The following NDST4 variants were observed in gnomAD, a reference collection of about 807,000 sequenced individuals.
NDST4 encodes the protein N-heparan sulfate sulfotransferase 4.
Under a neutral mutation model 100.8 loss-of-function variants are expected in NDST4, and 63 were observed. The observed-to-expected ratio is 0.62, with a 90% CI of 0.51 to 0.77. The LOEUF (loss-of-function observed/expected upper bound fraction) is 0.77. Ranked by LOEUF, NDST4 falls within the 30% of genes least tolerant of loss-of-function variation. The pLI is 0.00. For missense variants in NDST4, 943 were observed against 1,018.4 expected (o/e 0.93, Z 1.01); for synonymous variants, 377 against 361.8 (o/e 1.04, Z -0.48).
At chr4:115,111,278 C>G (rs919014969) in intron 1 of NDST4, among the ~76,000 whole-genome samples, 2 of 151,560 alleles carry the variant, frequency 1.3e-5, no homozygotes, top group Non-Finnish European at 2.9e-5. Context: ...ATTTTAAATC[C>G]AAGTATAGAA....
chr4:114,985,849 G>C (rs556845630), intron 2 of NDST4, among the ~76,000 whole-genome samples: 1 of 152,180 alleles, frequency 6.6e-6, no homozygotes, highest in Non-Finnish European at 1.5e-5. Context: ...AGGCCATTTT[G>C]TTGAGGCATG....
intron 7 of NDST4, among the ~76,000 whole-genome samples, chr4:114,860,606 G>A (rs1275514630): frequency 6.6e-6 from 1 of 152,186 alleles, no homozygotes; most frequent in Non-Finnish European, 1.5e-5. Context: ...ATATATTGAA[G>A]AGCGTATCAG....
chr4:115,061,066 A>G (rs1728809146), intron 2 of NDST4, among the ~76,000 whole-genome samples: 2 of 152,158 alleles, frequency 1.3e-5, no homozygotes, highest in Admixed American at 1.3e-4. Context: ...ACATATGAAA[A>G]AAAGCTCATC....
At chr4:114,952,849 A>C (rs1464947758) in intron 4 of NDST4, among the ~76,000 whole-genome samples, 1 of 152,042 alleles carries the variant, frequency 6.6e-6, no homozygotes, top group East Asian at 1.9e-4. Flanking sequence ...TCAATTTTCC[A>C]TGCTAATCTA....
chr4:115,041,027 T>C (rs1021515060), intron 2 of NDST4, among the ~76,000 whole-genome samples: 33 of 152,024 alleles, frequency 2.2e-4, no homozygotes, highest in Non-Finnish European at 4.0e-4. Flanking sequence ...AGTAACCAAA[T>C]AGAAGAGAAG....
chr4:115,090,658 T>C (rs1729499120), intron 1 of NDST4, among the ~76,000 whole-genome samples: 1 of 152,066 alleles, frequency 6.6e-6, no homozygotes, highest in Non-Finnish European at 1.5e-5. Flanking sequence ...AACACTCTTT[T>C]GGTCTCCTAA....
In NDST4 at chr4:114,964,997, C is replaced by T. The variant is rs144115821; in HGVS notation, c.1221+5433G>A. On this transcript the variant is annotated intron_variant, in intron 4 of 13. Coordinates refer to ENST00000264363, the MANE Select transcript of NDST4 (RefSeq NM_022569.3). ...TTACTGTGATTAAATCTTTCCTGCA[C>T]ATGTGGATCCACTCTTGAGTGTAAA... Among the ~76,000 whole-genome samples, 366 of 152,198 alleles carry T rather than the reference C, an allele frequency of 2.4e-3. 1 individual carries two copies. Among genetic ancestry groups the T allele is most frequent in the African/African-American group, 8.4e-3 (348 of 41,560 alleles).
At position 114,899,696 on chromosome 4, in the gene NDST4, G is replaced by A. The variant is rs371573838; in HGVS notation, c.1537-28746C>T. 2.0e-4 allele frequency among the ~76,000 whole-genome samples: 30 copies of A among 152,126 alleles called. No homozygotes were observed. In the East Asian group the frequency reaches 4.8e-3, roughly 25 times the overall value. On this transcript the variant is annotated intron_variant, in intron 6 of 13. Coordinates refer to ENST00000264363, the MANE Select transcript of NDST4 (RefSeq NM_022569.3). ...TGCATACTTGAAATAAATTCCACTG[G>A]ATCATGGTCTTTTTATACATTGTTG... is the stretch of plus-strand genomic sequence containing the variant.
chr4:114,992,044 G>A (rs1281908372), intron 2 of NDST4, among the ~76,000 whole-genome samples: 3 of 151,670 alleles, frequency 2.0e-5, no homozygotes, highest in East Asian at 1.9e-4. Context: ...AAAATAGTAC[G>A]GTTCCCATAT....
chr4:114,880,819 G>T (rs888064311), intron 6 of NDST4, among the ~76,000 whole-genome samples: 1 of 152,122 alleles, frequency 6.6e-6, no homozygotes, highest in African/African-American at 2.4e-5. Flanking sequence ...GCTTGGGGCA[G>T]GGTACTGATC....
chr4:115,093,469 C>G (rs112725339), intron 1 of NDST4, among the ~76,000 whole-genome samples: 2 of 150,968 alleles, frequency 1.3e-5, no homozygotes, highest in African/African-American at 4.9e-5. Flanking sequence ...AGCAAGACTC[C>G]GTCTCAAAAA....
intron 6 of NDST4, among the ~76,000 whole-genome samples, chr4:114,873,226 A>G (rs1724186732): frequency 6.6e-6 from 1 of 151,720 alleles, no homozygotes; most frequent in South Asian, 2.1e-4. Flanking sequence ...TATTTGAAAC[A>G]TCAAAAAAGA....
Position 114,839,401 on chromosome 4 carries a change from G to A in NDST4, c.2263C>T (p.Leu755=), listed in dbSNP as rs949890294. 6 of 1,611,620 alleles carry A rather than the reference G, an allele frequency of 3.7e-6. No homozygotes were observed. The highest frequency in any genetic ancestry group is 2.5e-6 in the Non-Finnish European group (3 of 1,178,608). The change falls in exon 11 of 14, where the codon CTA becomes TTA. Residue 755 remains leucine (L), a synonymous_variant. Transcript: ENST00000264363. ...ACCTGAGAAGTAGCAAAGTAAGTTA[G>A]CCATCTTTCTATGTGGACTGCATAC... ...GWYAVHIERW[L]TYFATSQLLI...
At position 114,929,074 on chromosome 4, in the gene NDST4, G is replaced by GTCCGTCCA. The variant is rs1560816975; in HGVS notation, c.1536+6131_1536+6132insTGGACGGA. Among the ~76,000 whole-genome samples the GTCCGTCCA allele has an allele frequency of 4.4e-3, 527 of 120,322 alleles. 5 individuals are homozygous for GTCCGTCCA. The highest frequency in any genetic ancestry group is 0.02 in the Middle Eastern group (5 of 254). The allele number at this position is 120,322 out of a possible 152,430, so 78.9% of individuals were successfully genotyped here. A position where few individuals can be genotyped will look rare whatever the true frequency, so the allele number is the denominator to read the frequency against. ...CGTCCGTCCGTCCGTCCGTCCGTCC[G>GTCCGTCCA]TCCATCCATCCATCCATCCATCCAT... On this transcript the variant is annotated intron_variant, in intron 6 of 13. Coordinates refer to ENST00000264363, the MANE Select transcript of NDST4 (RefSeq NM_022569.3).
chr4:114,940,782 A>G (rs915323345), intron 4 of NDST4, among the ~76,000 whole-genome samples: 21 of 152,280 alleles, frequency 1.4e-4, no homozygotes, highest in African/African-American at 4.3e-4. Context: ...GAGTTTGTCC[A>G]TGGTCGAACA....
chr4:114,915,244 C>T (rs969409237), intron 6 of NDST4, among the ~76,000 whole-genome samples: 3 of 152,060 alleles, frequency 2.0e-5, no homozygotes, highest in African/African-American at 7.2e-5. Flanking sequence ...AACAAAACCA[C>T]CAAGCTGTCA....
At chr4:114,961,812 CA>C (rs1209602709) in intron 4 of NDST4, among the ~76,000 whole-genome samples, 1 of 151,910 alleles carries the variant, frequency 6.6e-6, no homozygotes, top group Non-Finnish European at 1.5e-5. Context: ...AAAAGAAGAG[CA>C]AAGAATATTT....
chr4:114,896,639 AAT>A (rs1213144346), intron 6 of NDST4, among the ~76,000 whole-genome samples: 20 of 149,994 alleles, frequency 1.3e-4, no homozygotes, highest in African/African-American at 4.7e-4. Flanking sequence ...AAAAAAAAAA[AAT>A]TTGCTTTGGG....
intron 6 of NDST4, among the ~76,000 whole-genome samples, chr4:114,921,971 C>T (rs7679531): frequency 0.017 from 2,517 of 151,872 alleles, 72 homozygotes; most frequent in African/African-American, 0.058. Context: ...TCTGACACAA[C>T]ATTAACAATT....
Sources: allele counts gnomAD v4.1 joint callset (sites outside exome capture counted in the v4.1 genomes callset), GRCh38; gene constraint gnomAD v4.1.1; transcripts MANE v1.5; gene names NCBI Gene and HGNC (gene_info 2026-07-23, HGNC 2026-07-21).